The following AGAP1 variants were observed in gnomAD, a reference collection of about 807,000 sequenced individuals.
AGAP1 encodes ArfGAP with GTPase domain, ankyrin repeat and PH domain 1.
In AGAP1, 29 loss-of-function variants were observed where a neutral mutation model predicts 105.3. The ratio of observed to expected loss-of-function variants is 0.28; its 90% CI spans 0.21 to 0.38. The LOEUF (loss-of-function observed/expected upper bound fraction) is 0.38, where lower values mean the gene tolerates loss of function less well. Among genes scored for constraint, AGAP1 ranks in the 10% least tolerant of loss-of-function variants. AGAP1 has a pLI of 1.00. For missense variants in AGAP1, 998 were observed against 1,165.1 expected (o/e 0.86, Z 2.09); for synonymous variants, 509 against 485.9 (o/e 1.05, Z -0.63).
At chr2:235,878,914 C>T (rs752298185) in intron 9 of AGAP1, among the ~76,000 whole-genome samples, 12 of 152,178 alleles carry the variant, frequency 7.9e-5, no homozygotes, top group South Asian at 2.1e-4. Flanking sequence ...CCTGAGCAGC[C>T]GCCCCTTGGT....
chr2:235,970,776 G>C lies in AGAP1; in HGVS notation c.1645+2153G>C, dbSNP rs1379030851. On this transcript the variant is annotated intron_variant, in intron 13 of 17. Coordinates refer to ENST00000304032, the MANE Select transcript of AGAP1 (RefSeq NM_001037131.3). The surrounding 1 kb of genome is among the most constrained non-coding windows in gnomAD (Gnocchi z 5.4). Reference sequence around the variant, plus strand: ...ACCCAGTGTTCCATTCAGCACCGGTGAGTTTGAAGGAAGTTTGACAAGTGA... The same window carrying C: ...ACCCAGTGTTCCATTCAGCACCGGTCAGTTTGAAGGAAGTTTGACAAGTGA... 6.6e-6 allele frequency among the ~76,000 whole-genome samples: 1 copy of C among 152,202 alleles called. No individual in the cohort carries two copies. Among genetic ancestry groups the C allele is most frequent in the Admixed American group, 6.5e-5 (1 of 15,286 alleles).
At chr2:235,686,587 A>G (rs199538732) in intron 1 of AGAP1, among the ~76,000 whole-genome samples, 18 of 119,350 alleles carry the variant, frequency 1.5e-4, no homozygotes, top group Non-Finnish European at 1.4e-4. Flanking sequence ...ACACACACAC[A>G]CGTGTGTGTG....
At position 235,623,922 on chromosome 2, in the gene AGAP1, G is replaced by C. The variant is rs1261182356; in HGVS notation, c.164-85257G>C. On this transcript the variant is annotated intron_variant, in intron 1 of 17. Transcript: ENST00000304032. The surrounding 1 kb of genome is among the most constrained non-coding windows in gnomAD (Gnocchi z 4.5). ...TGATTCCAATTTGAGCTGTCTCCTG[G>C]AGAAGTTGGATCCATTTGTGTTTCT... 6.6e-6 allele frequency among the ~76,000 whole-genome samples: 1 copy of C among 152,208 alleles called. No homozygotes were observed. The highest frequency in any genetic ancestry group is 1.9e-4 in the East Asian group (1 of 5,176).
intron 1 of AGAP1, among the ~76,000 whole-genome samples, chr2:235,542,978 C>G (rs528418478): frequency 2.0e-5 from 3 of 152,246 alleles, no homozygotes; most frequent in Admixed American, 2.0e-4. Flanking sequence ...CTCCTGGAAG[C>G]CTGACTTCCT....
rs1324032021 is a variant in AGAP1, at chr2:235,927,517, C to A, written c.1325-3248C>A. On this transcript the variant is annotated intron_variant, in intron 11 of 17. Coordinates refer to ENST00000304032, the MANE Select transcript of AGAP1 (RefSeq NM_001037131.3). This position sits in a 1 kb window ranked among gnomAD's most constrained non-coding sequence, Gnocchi z 4.4. ...AAGGAATCTCTCCCTTCCTTTTTGGCAGTGTGATGTTTGGCCATGAGATGA... is the reference window on the plus strand; with the variant it reads ...AAGGAATCTCTCCCTTCCTTTTTGGAAGTGTGATGTTTGGCCATGAGATGA... Among the ~76,000 whole-genome samples the A allele has an allele frequency of 6.6e-6, 1 of 152,100 alleles. No homozygotes were observed.
rs1328033448 is a variant in AGAP1, at chr2:235,931,923, C to T, written c.1483+1000C>T. Among the ~76,000 whole-genome samples, 8 of 152,096 alleles carry T rather than the reference C, an allele frequency of 5.3e-5. No individual in the cohort carries two copies. Among genetic ancestry groups the T allele is most frequent in the Admixed American group, 1.3e-4 (2 of 15,272 alleles). On this transcript the variant is annotated intron_variant, in intron 12 of 17. Transcript: ENST00000304032. The surrounding 1 kb of genome is among the most constrained non-coding windows in gnomAD (Gnocchi z 5.6). ...CTTGGAGCAGACACACACAGCGTCA[C>T]GCGGCTGCCCCGGCTGGCCCATTCC...
rs1038878484 is a variant in AGAP1, at chr2:235,751,940, C to A, written c.673+1452C>A. 3.3e-5 allele frequency among the ~76,000 whole-genome samples: 5 copies of A among 152,164 alleles called. No individual in the cohort carries two copies. Among genetic ancestry groups the A allele is most frequent in the African/African-American group, 1.2e-4 (5 of 41,438 alleles). ...CCTGCTGCCTCTGTCGGGAGAATGT[C>A]CTGTGGGGAGTAAACCTCATTTCAA... On this transcript the variant is annotated intron_variant, in intron 6 of 17. Transcript: ENST00000304032. This position sits in a 1 kb window ranked among gnomAD's most constrained non-coding sequence, Gnocchi z 5.3.
rs969518558 is a variant in AGAP1, at chr2:235,971,930, C to T, written c.1645+3307C>T. 1.1e-4 allele frequency among the ~76,000 whole-genome samples: 17 copies of T among 151,900 alleles called. No homozygotes were observed. The highest frequency in any genetic ancestry group is 3.3e-4 in the Admixed American group (5 of 15,248). On this transcript the variant is annotated intron_variant, in intron 13 of 17. Transcript: ENST00000304032. The surrounding 1 kb of genome is among the most constrained non-coding windows in gnomAD (Gnocchi z 4.8). ...AGTAGCTGGGACCACAGGCAGGCACCACGACACCTGGCTAATTTTTTGTAT... is the reference window on the plus strand; with the variant it reads ...AGTAGCTGGGACCACAGGCAGGCACTACGACACCTGGCTAATTTTTTGTAT...
chr2:235,626,547 G>A lies in AGAP1; in HGVS notation c.164-82632G>A, dbSNP rs542351987. 1.5e-4 allele frequency among the ~76,000 whole-genome samples: 22 copies of A among 151,022 alleles called. No individual in the cohort carries two copies. In the East Asian group the frequency reaches 3.8e-3, roughly 26 times the overall value. On this transcript the variant is annotated intron_variant, in intron 1 of 17. Transcript: ENST00000304032. ...TGGAAAGGCATACGCCAGAATGTTTGTGGCAGTGACAGTGGATTTTATAAG... is the reference window on the plus strand; with the variant it reads ...TGGAAAGGCATACGCCAGAATGTTTATGGCAGTGACAGTGGATTTTATAAG...
chr2:235,511,902 A>ATG (rs1392022547), intron 1 of AGAP1, among the ~76,000 whole-genome samples: 1 of 143,336 alleles, frequency 7.0e-6, no homozygotes, highest in Non-Finnish European at 1.5e-5. Context: ...GTGAGTGTGA[A>ATG]TGAGTATGTG....
Position 235,959,224 on chromosome 2 carries a change from G to T in AGAP1, c.1484-9238G>T, listed in dbSNP as rs958625648. ...TGATACAAAATAAAATGCATTCTTTGTATGCAGCCAGGAGGAGCGGATGGC... is the reference window on the plus strand; with the variant it reads ...TGATACAAAATAAAATGCATTCTTTTTATGCAGCCAGGAGGAGCGGATGGC... On this transcript the variant is annotated intron_variant, in intron 12 of 17. Coordinates refer to ENST00000304032, the MANE Select transcript of AGAP1 (RefSeq NM_001037131.3). The surrounding 1 kb of genome is among the most constrained non-coding windows in gnomAD (Gnocchi z 7.3). 6.6e-6 allele frequency among the ~76,000 whole-genome samples: 1 copy of T among 152,222 alleles called. No homozygotes were observed. The highest frequency in any genetic ancestry group is 1.5e-5 in the Non-Finnish European group (1 of 68,050).
In AGAP1 at chr2:236,012,415, A is replaced by G. The variant is rs2056546475; in HGVS notation, c.1646-24146A>G. Among the ~76,000 whole-genome samples the G allele has an allele frequency of 6.6e-6, 1 of 152,186 alleles. No homozygotes were observed. Among genetic ancestry groups the G allele is most frequent in the Admixed American group, 6.5e-5 (1 of 15,274 alleles). Reference sequence around the variant, plus strand: ...TCTGGAACTTGCGAAATACTGTCCCAGACACCAGAGCTGCAGCAGTTAAAA... The same window carrying G: ...TCTGGAACTTGCGAAATACTGTCCCGGACACCAGAGCTGCAGCAGTTAAAA... On this transcript the variant is annotated intron_variant, in intron 13 of 17. Coordinates refer to ENST00000304032, the MANE Select transcript of AGAP1 (RefSeq NM_001037131.3). This position sits in a 1 kb window ranked among gnomAD's most constrained non-coding sequence, Gnocchi z 4.9.
chr2:235,856,508 T>C (rs965807176), intron 9 of AGAP1, among the ~76,000 whole-genome samples: 2 of 152,244 alleles, frequency 1.3e-5, no homozygotes, highest in Non-Finnish European at 2.9e-5. Flanking sequence ...TTGAGGTTCC[T>C]GTCCTTTCCA....
rs1207890806 is a variant in AGAP1 at position 235,535,963 on chromosome 2, C to T, written c.163+41114C>T. ...GTAAGGCCCCTCGCCCCATCTGCTTCCTGCTCTCCCAGAGCCGGCCTCACC... is the reference window on the plus strand; with the variant it reads ...GTAAGGCCCCTCGCCCCATCTGCTTTCTGCTCTCCCAGAGCCGGCCTCACC... On this transcript the variant is annotated intron_variant, in intron 1 of 17. Transcript: ENST00000304032. The surrounding 1 kb of genome is among the most constrained non-coding windows in gnomAD (Gnocchi z 5.1). Among the ~76,000 whole-genome samples the T allele has an allele frequency of 6.6e-6, 1 of 152,030 alleles. No individual in the cohort carries two copies. Among genetic ancestry groups the T allele is most frequent in the Non-Finnish European group, 1.5e-5 (1 of 68,022 alleles).
chr2:235,745,358 A>C (rs924972637), intron 5 of AGAP1, among the ~76,000 whole-genome samples: 1 of 152,200 alleles, frequency 6.6e-6, no homozygotes, highest in Non-Finnish European at 1.5e-5. Context: ...CAGACAGAGA[A>C]TCCAACTGGG....
At chr2:235,727,585 T>C (rs1951710741) in intron 3 of AGAP1, among the ~76,000 whole-genome samples, 1 of 152,232 alleles carries the variant, frequency 6.6e-6, no homozygotes, top group Admixed American at 6.5e-5. Flanking sequence ...GCTTAGTCTT[T>C]GGAATGTTAT....
intron 11 of AGAP1, among the ~76,000 whole-genome samples, chr2:235,915,325 A>G (rs2051819945): frequency 6.6e-6 from 1 of 152,188 alleles, no homozygotes; most frequent in Non-Finnish European, 1.5e-5. Flanking sequence ...ACTCCTATCA[A>G]CAGAAGGATT....
At chr2:235,658,932 G>T (rs1258101957) in intron 1 of AGAP1, among the ~76,000 whole-genome samples, 1 of 152,142 alleles carries the variant, frequency 6.6e-6, no homozygotes, top group East Asian at 1.9e-4. Flanking sequence ...AGCTCTTTTA[G>T]CACGTTGCTT....
intron 6 of AGAP1, among the ~76,000 whole-genome samples, chr2:235,781,248 G>A (rs1215285144): frequency 6.6e-6 from 1 of 152,152 alleles, no homozygotes; most frequent in African/African-American, 2.4e-5. Flanking sequence ...AAAGTCATTA[G>A]ACTTCACTCA....
Sources: gnomAD v4.1 joint callset for allele counts (sites outside exome capture counted in the v4.1 genomes callset) on GRCh38, gnomAD v4.1.1 for gene constraint, Gnocchi (gnomAD v3.1) non-coding constraint, MANE v1.5 for transcripts, NCBI Gene and HGNC (gene_info 2026-07-23, HGNC 2026-07-21) for gene names.